The following ST6GALNAC5 variants were observed in gnomAD, a reference collection of about 807,000 sequenced individuals.
The protein encoded by ST6GALNAC5 is alpha-N-acetylgalactosaminide alpha-2,6-sialyltransferase 5.
ST6GALNAC5 carries 27 observed loss-of-function variants against 33.6 expected under a neutral mutation model. That is an observed-to-expected ratio of 0.80 (90% CI 0.59 to 1.11). The LOEUF (loss-of-function observed/expected upper bound fraction) is 1.11. Ranked by LOEUF, ST6GALNAC5 falls within the 50% of genes least tolerant of loss-of-function variation. The probability of loss-of-function intolerance (pLI) is 0.00; values close to 1 mark genes in which losing one functional copy is unlikely to be tolerated. For missense variants in ST6GALNAC5, 428 were observed against 454.0 expected (o/e 0.94, Z 0.52); for synonymous variants, 194 against 171.2 (o/e 1.13, Z -1.04).
chr1:76,877,816 G>A (rs1029158595), intron 2 of ST6GALNAC5, among the ~76,000 whole-genome samples: 1 of 152,252 alleles, frequency 6.6e-6, no homozygotes, highest in Non-Finnish European at 1.5e-5. Context: ...ATATGCCCCT[G>A]AGGCAGGACA....
intron 2 of ST6GALNAC5, among the ~76,000 whole-genome samples, chr1:77,023,008 G>C (rs549805134): frequency 6.6e-6 from 1 of 152,176 alleles, no homozygotes; most frequent in Non-Finnish European, 1.5e-5. Flanking sequence ...AAGTTGAAAT[G>C]AGACCTTTAG....
At chr1:76,938,260 G>C (rs1395568167) in intron 2 of ST6GALNAC5, among the ~76,000 whole-genome samples, 1 of 152,070 alleles carries the variant, frequency 6.6e-6, no homozygotes, top group African/African-American at 2.4e-5. Context: ...GAGCAGCAAA[G>C]GGTGAAGAAA....
rs1197102956 is a variant in ST6GALNAC5 at position 77,003,585 on chromosome 1, C to G, written c.262-40619C>G. Reference sequence around the variant, plus strand: ...TTAGTTGATGCAGTTTCTTCCTAGTCTCGATGGTCTTTACATTTTGGCATG... The same window carrying G: ...TTAGTTGATGCAGTTTCTTCCTAGTGTCGATGGTCTTTACATTTTGGCATG... On this transcript the variant is annotated intron_variant, in intron 2 of 4. Transcript: ENST00000477717. Among the ~76,000 whole-genome samples the G allele has an allele frequency of 5.3e-5, 8 of 151,922 alleles. No homozygotes were observed. In the East Asian group the frequency reaches 1.4e-3, roughly 26 times the overall value.
chr1:76,977,794 A>G (rs1208482501), intron 2 of ST6GALNAC5, among the ~76,000 whole-genome samples: 4 of 152,198 alleles, frequency 2.6e-5, no homozygotes, highest in African/African-American at 9.6e-5. Flanking sequence ...ACAGGAGGGT[A>G]GCTATCTCTT....
intron 2 of ST6GALNAC5, among the ~76,000 whole-genome samples, chr1:76,979,942 C>CA (rs1570732262): frequency 1.3e-5 from 2 of 151,308 alleles, no homozygotes; most frequent in African/African-American, 4.9e-5. Flanking sequence ...ACTCTGTCTC[C>CA]AAAAAAAGAC....
At position 76,970,113 on chromosome 1, in the gene ST6GALNAC5, G is replaced by T. The variant is rs1399933821; in HGVS notation, c.262-74091G>T. On this transcript the variant is annotated intron_variant, in intron 2 of 4. Coordinates refer to ENST00000477717, the MANE Select transcript of ST6GALNAC5 (RefSeq NM_030965.3). ...GATGAGGAGAAACCAGAGCAGAAAA[G>T]CTGAAAACTCTGAAAACCAGAGTGC... is the stretch of plus-strand genomic sequence containing the variant. Among the ~76,000 whole-genome samples, 3 of 152,042 alleles carry T rather than the reference G, an allele frequency of 2.0e-5. 1 individual carries two copies. Among genetic ancestry groups the T allele is most frequent in the Non-Finnish European group, 1.5e-5 (1 of 68,014 alleles).
At chr1:76,875,623 A>G (rs1417075957) in intron 2 of ST6GALNAC5, among the ~76,000 whole-genome samples, 1 of 152,154 alleles carries the variant, frequency 6.6e-6, no homozygotes, top group African/African-American at 2.4e-5. Context: ...GACCTCTAGG[A>G]CAGCAGAACA....
At position 77,044,568 on chromosome 1, in the gene ST6GALNAC5, T is replaced by C; in HGVS notation, c.626T>C (p.Met209Thr). The C allele has an allele frequency of 1.9e-6, 3 of 1,585,332 alleles. No homozygotes were observed. The highest frequency in any genetic ancestry group is 1.3e-5 in the African/African-American group (1 of 74,390). The change falls in exon 3 of 5, where the codon ATG (methionine) becomes ACG (threonine). Residue 209 changes from methionine to threonine, a missense_variant. Physicochemically the swap from Met to Thr is moderately conservative, Grantham distance 81. Coordinates refer to ENST00000477717, the MANE Select transcript of ST6GALNAC5 (RefSeq NM_030965.3). Reference protein sequence around the residue: ...LKAFMITRHKMLQFDELFKQE... With the variant: ...LKAFMITRHKTLQFDELFKQE... Reference sequence around the variant, plus strand: ...GCCTTCATGATTACTCGCCACAAGATGCTGCAGTTTGATGAGCTCTTCAAG... The same window carrying C: ...GCCTTCATGATTACTCGCCACAAGACGCTGCAGTTTGATGAGCTCTTCAAG...
Position 77,064,216 on chromosome 1 carries a change from C to T in ST6GALNAC5, c.*1010C>T, listed in dbSNP as rs1652698634. 1 of 152,136 alleles carries T rather than the reference C, an allele frequency of 6.6e-6. No individual in the cohort carries two copies. 9.4% of individuals were successfully genotyped at this position (152,136 alleles called of 1,614,324 possible). On this transcript the variant is annotated 3_prime_UTR_variant, in exon 5 of 5. Transcript: ENST00000477717. ...CCTCTTCTTGACCCATTTGAAGACT[C>T]TGCACTTGGAGTGATGGGGCCCCAA...
intron 4 of ST6GALNAC5, among the ~76,000 whole-genome samples, chr1:77,054,828 C>T (rs1652338463): frequency 6.6e-6 from 1 of 151,984 alleles, no homozygotes; most frequent in Non-Finnish European, 1.5e-5. Context: ...ACTAATTGTA[C>T]CCCCTAAAAG....
rs1411414249 is a variant in ST6GALNAC5 at position 76,868,807 on chromosome 1, C to G, written c.261+65C>G. The stretch of plus-strand genomic sequence containing the variant: ...GGGATCCCGCACACCTGAGCCTTCC[C>G]CCTTTCCCGGGGCTGGGAGGCGCTG... On this transcript the variant is annotated intron_variant, in intron 2 of 4. Transcript: ENST00000477717. This position sits in a 1 kb window ranked among gnomAD's most constrained non-coding sequence, Gnocchi z 4.3. 5.6e-6 allele frequency: 8 copies of G among 1,432,612 alleles called. No individual in the cohort carries two copies. The highest frequency in any genetic ancestry group is 7.3e-6 in the Non-Finnish European group (8 of 1,099,404). The allele number at this position is 1,432,612 out of a possible 1,614,324, so 88.7% of individuals were successfully genotyped here.
chr1:76,930,789 TATTCATTAACTAGAGAAGAGACA>T (rs1557727250), intron 2 of ST6GALNAC5, among the ~76,000 whole-genome samples: 1 of 152,170 alleles, frequency 6.6e-6, no homozygotes, highest in African/African-American at 2.4e-5. Flanking sequence ...TGTATTCATG[TATTCATTAACTAGAGAAGAGACA>T]CTTTGAAGTC....
intron 2 of ST6GALNAC5, among the ~76,000 whole-genome samples, chr1:76,891,766 CAGAG>C (rs760076869): frequency 1.3e-5 from 2 of 152,144 alleles, no homozygotes; most frequent in Non-Finnish European, 2.9e-5. Context: ...CATGATGTGA[CAGAG>C]AGGTCCAGCT....
In ST6GALNAC5 at chr1:77,049,589, G is replaced by T. The variant is rs541712130; in HGVS notation, c.672-669G>T. 3.9e-5 allele frequency among the ~76,000 whole-genome samples: 6 copies of T among 152,226 alleles called. No homozygotes were observed. In the East Asian group the frequency reaches 9.7e-4, roughly 25 times the overall value. ...TGCACCAGTTCATTCCTTAAATTTT[G>T]TCAATTTTTGGTCTCCTAGTAAAAA... On this transcript the variant is annotated intron_variant, in intron 3 of 4. Transcript: ENST00000477717.
At chr1:76,912,264 G>C (rs1264223058) in intron 2 of ST6GALNAC5, among the ~76,000 whole-genome samples, 3 of 152,080 alleles carry the variant, frequency 2.0e-5, no homozygotes, top group African/African-American at 7.2e-5. Context: ...CTGAGTTCTA[G>C]TTTGATTGCA....
In ST6GALNAC5 at chr1:76,868,406, G is replaced by C. The variant is rs910852586; in HGVS notation, c.16-91G>C. On this transcript the variant is annotated intron_variant, in intron 1 of 4. Coordinates refer to ENST00000477717, the MANE Select transcript of ST6GALNAC5 (RefSeq NM_030965.3). The surrounding 1 kb of genome is among the most constrained non-coding windows in gnomAD (Gnocchi z 4.3). Reference sequence around the variant, plus strand: ...AGGCCGCCCCAAATCTCCCCCACTAGAGTGACCACCGCACAGTTGTCCCCG... The same window carrying C: ...AGGCCGCCCCAAATCTCCCCCACTACAGTGACCACCGCACAGTTGTCCCCG... 1 of 1,497,230 alleles carries C rather than the reference G, an allele frequency of 6.7e-7. No homozygotes were observed. The highest frequency in any genetic ancestry group is 8.9e-7 in the Non-Finnish European group (1 of 1,121,234). 92.7% of individuals were successfully genotyped at this position (1,497,230 alleles called of 1,614,324 possible). A position where few individuals can be genotyped will look rare whatever the true frequency, so the allele number is the denominator to read the frequency against.
At chr1:77,037,469 G>A (rs939624978) in intron 2 of ST6GALNAC5, among the ~76,000 whole-genome samples, 2 of 152,048 alleles carry the variant, frequency 1.3e-5, no homozygotes, top group African/African-American at 2.4e-5. Context: ...TTTGTGATGG[G>A]ATCATTCATG....
chr1:77,000,405 G>A (rs1650101993), intron 2 of ST6GALNAC5, among the ~76,000 whole-genome samples: 1 of 126,876 alleles, frequency 7.9e-6, no homozygotes. Context: ...TTTGTCAGAT[G>A]AGTAGGTTGC....
At chr1:76,877,051 G>A (rs1653657751) in intron 2 of ST6GALNAC5, among the ~76,000 whole-genome samples, 2 of 152,226 alleles carry the variant, frequency 1.3e-5, no homozygotes, top group Non-Finnish European at 2.9e-5. Context: ...CCGCTTTTTG[G>A]CTGGATGGGC....
Sources: gnomAD v4.1 joint callset for allele counts (sites outside exome capture counted in the v4.1 genomes callset) on GRCh38, gnomAD v4.1.1 for gene constraint, Gnocchi (gnomAD v3.1) non-coding constraint, MANE v1.5 for transcripts, NCBI Gene and HGNC (gene_info 2026-07-23, HGNC 2026-07-21) for gene names.